ZBP1: variants seen among roughly 807,000 people sequenced by gnomAD.
ZBP1 encodes Z-DNA-binding protein 1.
In ZBP1, 42 loss-of-function variants were observed where a neutral mutation model predicts 41.1. The ratio of observed to expected loss-of-function variants is 1.02; its 90% CI spans 0.80 to 1.32. The LOEUF is 1.32. Ranked by LOEUF, ZBP1 falls within the 40% of genes most tolerant of loss-of-function variation. The probability of loss-of-function intolerance (pLI) is 0.00; values close to 1 mark genes in which losing one functional copy is unlikely to be tolerated. For synonymous variants in ZBP1, 214 were observed against 205.2 expected (o/e 1.04, Z -0.37); for missense variants, 562 against 549.7 (o/e 1.02, Z -0.22).
chr20:57,606,387 G>A (rs560215996), intron 7 of ZBP1, among the ~76,000 whole-genome samples: 3 of 152,360 alleles, frequency 2.0e-5, no homozygotes, highest in South Asian at 2.1e-4. Context: ...GAAAGAAACC[G>A]TCCCCATAAC....
chr20:57,612,813 G>T (rs1014883256), intron 5 of ZBP1: 1 of 838,152 alleles, frequency 1.2e-6, no homozygotes, highest in African/African-American at 1.8e-5. Context: ...AAAGGCAATT[G>T]AGTTGTTTCT....
At position 57,613,209 on chromosome 20, in the gene ZBP1, A is replaced by C. The variant is rs1568934085; in HGVS notation, c.624T>G (p.Ile208Met). The change falls in exon 5 of 8, where the codon ATT (isoleucine) becomes ATG (methionine). Residue 208 changes from isoleucine (I) to methionine (M), a missense_variant. Coordinates refer to ENST00000371173, the MANE Select transcript of ZBP1 (RefSeq NM_030776.3). This position sits in a 1 kb window ranked among gnomAD's most constrained non-coding sequence, Gnocchi z 4.5. Reference protein sequence around the residue: ...ISIANSEAIQIGHGNIITRQT... With the variant: ...ISIANSEAIQMGHGNIITRQT... The stretch of plus-strand genomic sequence containing the variant: ...GTCTTGTAATGATGTTCCCGTGTCC[A>C]ATCTGGATGGCTTCGGAGTTTGCAA... The C allele has an allele frequency of 2.5e-6, 4 of 1,614,226 alleles. No homozygotes were observed. The highest frequency in any genetic ancestry group is 3.4e-6 in the Non-Finnish European group (4 of 1,180,034).
chr20:57,614,701 G>C (rs2070769486), intron 4 of ZBP1, among the ~76,000 whole-genome samples, 186 bp downstream of exon 4: 1 of 152,196 alleles, frequency 6.6e-6, no homozygotes, highest in Non-Finnish European at 1.5e-5. Flanking sequence ...CCTCCAAAAA[G>C]CTGTCCCTGG....
chr20:57,614,345 C>T (rs772467479), intron 4 of ZBP1, among the ~76,000 whole-genome samples: 2 of 152,050 alleles, frequency 1.3e-5, no homozygotes, highest in Non-Finnish European at 2.9e-5. Flanking sequence ...TTTAGATATT[C>T]ATTATTATTG....
intron 1 of ZBP1, among the ~76,000 whole-genome samples, chr20:57,619,209 C>T (rs1280278720): frequency 1.3e-5 from 2 of 152,200 alleles, no homozygotes; most frequent in African/African-American, 4.8e-5. Flanking sequence ...TCCTGGGCCA[C>T]ACCCTGACAT....
chr20:57,609,249 C>T (rs908984515), intron 7 of ZBP1, among the ~76,000 whole-genome samples: 6 of 152,222 alleles, frequency 3.9e-5, no homozygotes, highest in East Asian at 1.9e-4. Flanking sequence ...CCACCCGAGG[C>T]CCCGAGCTCC....
At chr20:57,616,840 T>C in intron 1 of ZBP1, 1 of 267,112 alleles carries the variant, frequency 3.7e-6, no homozygotes. Flanking sequence ...CAGGGGGACC[T>C]GGGAGCGCAA....
Position 57,610,337 on chromosome 20 carries a change from G to T in ZBP1, c.905C>A (p.Ser302Ter). Residue 302 changes from serine (S) to a stop codon, truncating the protein, a stop_gained, in exon 7 of 8, where the codon TCG (serine) becomes TAG (stop). Transcript: ENST00000371173. LOFTEE classifies it high-confidence loss of function. The surrounding 1 kb of genome is among the most constrained non-coding windows in gnomAD (Gnocchi z 5.5). ...TGGACTGGGAATTCTTGCTTCAAAC[G>T]AAGCTTCTGGGCCGGCAGCAGTGGC... ...VSATAAGPEA[S>*]FEARIPSPGT... The T allele has an allele frequency of 6.8e-6, 11 of 1,614,158 alleles. No homozygotes were observed. The highest frequency in any genetic ancestry group is 9.3e-6 in the Non-Finnish European group (11 of 1,180,020).
rs746387136 is a variant in ZBP1 at position 57,610,379 on chromosome 20, A to G, written c.875-12T>C. 5.0e-6 allele frequency: 8 copies of G among 1,613,656 alleles called. No homozygotes were observed. The highest frequency in any genetic ancestry group is 4.4e-5 in the South Asian group (4 of 91,078). On this transcript the variant is annotated splice_polypyrimidine_tract_variant and intron_variant, in intron 6 of 7. Transcript: ENST00000371173. The surrounding 1 kb of genome is among the most constrained non-coding windows in gnomAD (Gnocchi z 5.5). ...AGCAGTGGCAGAGACTGTGGGTCAA[A>G]GGGAGAGAGGCCTGGAGCCAGGAGC...
rs2070447256 is a variant in ZBP1, at chr20:57,604,494, A to T, written c.*79T>A. 4 of 1,539,884 alleles carry T rather than the reference A, an allele frequency of 2.6e-6. No homozygotes were observed. The highest frequency in any genetic ancestry group is 3.6e-6 in the Non-Finnish European group (4 of 1,114,478). The stretch of plus-strand genomic sequence containing the variant: ...AAGCAGGTCAAACAAGACGCTAAGG[A>T]ATGCAGAGAGCAGCAGGCTAGTCTC... On this transcript the variant is annotated 3_prime_UTR_variant, in exon 8 of 8. Coordinates refer to ENST00000371173, the MANE Select transcript of ZBP1 (RefSeq NM_030776.3).
Position 57,615,146 on chromosome 20 carries a change from C to T in ZBP1, c.329-86G>A, listed in dbSNP as rs545175185. The T allele has an allele frequency of 7.6e-5, 111 of 1,451,896 alleles. No homozygotes were observed. In the African/African-American group the frequency reaches 1.4e-3, roughly 18 times the overall value. The allele number at this position is 1,451,896 out of a possible 1,614,324, so 89.9% of individuals were successfully genotyped here. A position where few individuals can be genotyped will look rare whatever the true frequency, so the allele number is the denominator to read the frequency against. ...GCTTCCTAGCTGTGTGGCCCTGGAC[C>T]CAGCCCCTCAAGGCCTGGTTTCCTC... On this transcript the variant is annotated intron_variant, in intron 3 of 7. Coordinates refer to ENST00000371173, the MANE Select transcript of ZBP1 (RefSeq NM_030776.3).
At chr20:57,616,153 T>C (rs2070818469) in intron 2 of ZBP1, 91 bp downstream of exon 2, 22 of 1,225,832 alleles carry the variant, frequency 1.8e-5, no homozygotes, top group Non-Finnish European at 2.5e-5. Flanking sequence ...TGTGGCAGAG[T>C]TCAGATTCGA....
intron 2 of ZBP1, chr20:57,615,899 G>C (rs952632519): frequency 5.7e-6 from 3 of 529,438 alleles, no homozygotes; most frequent in Non-Finnish European, 3.3e-6. Flanking sequence ...TGTAAAGCTA[G>C]AAAAGGGGGG....
chr20:57,609,445 C>A (rs1314636018), intron 7 of ZBP1, among the ~76,000 whole-genome samples: 1 of 152,112 alleles, frequency 6.6e-6, no homozygotes, highest in Non-Finnish European at 1.5e-5. Flanking sequence ...TTCCCAGACC[C>A]CCCGTGGCTA....
In ZBP1 at chr20:57,614,232, G is replaced by A. The variant is rs941503704; in HGVS notation, c.502+655C>T. ...GTATTTTTAGTAGAGACGGGGTTTC[G>A]CCATGTTGGCCAGACTGGTCACTCC... On this transcript the variant is annotated intron_variant, in intron 4 of 7. Coordinates refer to ENST00000371173, the MANE Select transcript of ZBP1 (RefSeq NM_030776.3). 2.0e-5 allele frequency among the ~76,000 whole-genome samples: 3 copies of A among 151,974 alleles called. No individual in the cohort carries two copies. The South Asian group carries it at 6.2e-4, about 32-fold the overall frequency.
chr20:57,611,695 A>G, intron 6 of ZBP1, 32 bp downstream of exon 6: 1 of 1,587,314 alleles, frequency 6.3e-7, no homozygotes, highest in Non-Finnish European at 8.6e-7. Flanking sequence ...ACGGGGTGGC[A>G]GAGTTGGGTC....
rs200873725 is a variant in ZBP1 at position 57,613,926 on chromosome 20, AC to A, written c.503-597del. Among the ~76,000 whole-genome samples, 8,977 of 151,914 alleles carry A rather than the reference AC, an allele frequency of 0.059. 328 individuals are homozygous for A. The highest frequency in any genetic ancestry group is 0.13 in the South Asian group (610 of 4,814). On this transcript the variant is annotated intron_variant, in intron 4 of 7. Transcript: ENST00000371173. The surrounding 1 kb of genome is among the most constrained non-coding windows in gnomAD (Gnocchi z 4.5). ...CCCAGACTGTGCGGGGCCCATCACC[AC>A]CCTCCAGGGTCTCAGCTCCTGTGCC...
intron 7 of ZBP1, chr20:57,607,293 G>A (rs1364766486): frequency 2.3e-6 from 3 of 1,296,266 alleles, no homozygotes; most frequent in Non-Finnish European, 3.0e-6. Context: ...CTTCAGTGAA[G>A]GCAGCAACTG....
intron 7 of ZBP1, among the ~76,000 whole-genome samples, chr20:57,609,785 T>C (rs1013188375): frequency 6.6e-6 from 1 of 152,060 alleles, no homozygotes; most frequent in Non-Finnish European, 1.5e-5. Context: ...ACAACAATGA[T>C]GAGACAATAA....
Sources: gnomAD v4.1 joint callset for allele counts (sites outside exome capture counted in the v4.1 genomes callset) on GRCh38, gnomAD v4.1.1 for gene constraint, Gnocchi (gnomAD v3.1) non-coding constraint, MANE v1.5 for transcripts, NCBI Gene and HGNC (gene_info 2026-07-23, HGNC 2026-07-21) for gene names.